The following TRIM50 variants were observed in gnomAD, a reference collection of about 807,000 sequenced individuals.
TRIM50 encodes the protein tripartite motif containing 50.
A neutral mutation model predicts 44.9 loss-of-function variants in TRIM50; 34 were observed. The ratio of observed to expected loss-of-function variants is 0.76; its 90% CI spans 0.58 to 1.01. The LOEUF (loss-of-function observed/expected upper bound fraction) is 1.01. TRIM50 is among the 50% of genes least tolerant of loss of function. The pLI, the probability that TRIM50 is intolerant of heterozygous loss-of-function variation, is 0.00. For missense variants in TRIM50, 633 were observed against 663.7 expected (o/e 0.95, Z 0.51); for synonymous variants, 307 against 291.1 (o/e 1.05, Z -0.56).
intron 3 of TRIM50, among the ~76,000 whole-genome samples, chr7:73,319,328 C>G (rs1212940734): frequency 1.3e-5 from 2 of 152,044 alleles, no homozygotes; most frequent in African/African-American, 4.8e-5. Context: ...GGGTCTCACT[C>G]TGTTGCCCAG....
In TRIM50 at chr7:73,313,718, A is replaced by T. The variant is rs1554543666; in HGVS notation, c.875-208T>A. On this transcript the variant is annotated intron_variant, in intron 6 of 6. Coordinates refer to ENST00000333149, the MANE Select transcript of TRIM50 (RefSeq NM_178125.3). This position sits in a 1 kb window ranked among gnomAD's most constrained non-coding sequence, Gnocchi z 4.9. Reference sequence around the variant, plus strand: ...AATGAATGAATGAATGAAGTTTTACATAAGGAAGATCAATCACAGACTGAT... The same window carrying T: ...AATGAATGAATGAATGAAGTTTTACTTAAGGAAGATCAATCACAGACTGAT... 6.6e-6 allele frequency among the ~76,000 whole-genome samples: 1 copy of T among 150,554 alleles called. No individual in the cohort carries two copies. Among genetic ancestry groups the T allele is most frequent in the East Asian group, 2.0e-4 (1 of 5,126 alleles).
chr7:73,314,494 TA>T, intron 6 of TRIM50: 1 of 381,570 alleles, frequency 2.6e-6, no homozygotes, highest in Non-Finnish European at 5.1e-6. Flanking sequence ...ATGTCCCCAC[TA>T]AGAGGCCACC....
rs1348937984 is a variant in TRIM50, at chr7:73,313,249, G to A, written c.1136C>T (p.Ser379Phe). 8 of 1,598,778 alleles carry A rather than the reference G, an allele frequency of 5.0e-6. No homozygotes were observed. Among genetic ancestry groups the A allele is most frequent in the Non-Finnish European group, 5.1e-6 (6 of 1,173,354 alleles). The change falls in exon 7 of 7, where the codon TCC (serine) becomes TTC (phenylalanine). Residue 379 changes from serine to phenylalanine, a missense_variant. Transcript: ENST00000333149. The surrounding 1 kb of genome is among the most constrained non-coding windows in gnomAD (Gnocchi z 4.9). Reference sequence around the variant, plus strand: ...GATCAGCCACACGCCGTGCTCGGGGGACCTGTTCAGCTTGCCCTTACGGCT... The same window carrying A: ...GATCAGCCACACGCCGTGCTCGGGGAACCTGTTCAGCTTGCCCTTACGGCT... ...TASRKGKLNR[S>F]PEHGVWLIGL...
rs151103619 is a variant in TRIM50 at position 73,313,180 on chromosome 7, C to T, written c.1205G>A (p.Arg402Gln). 80 of 1,588,282 alleles carry T rather than the reference C, an allele frequency of 5.0e-5. No individual in the cohort carries two copies. Among genetic ancestry groups the T allele is most frequent in the Middle Eastern group, 1.7e-4 (1 of 6,046 alleles). ...GRVYEAFACP[R>Q]VPLPVAGHPH... is the part of the protein sequence containing the mutation. ...GTGGCCGGCCACGGGCAGGGGTACCCGGGGGCAGGCAAAGGCTTCGTACAC... is the reference window on the plus strand; with the variant it reads ...GTGGCCGGCCACGGGCAGGGGTACCTGGGGGCAGGCAAAGGCTTCGTACAC... The change falls in exon 7 of 7, where the codon CGG becomes CAG. Residue 402 changes from arginine to glutamine, a missense_variant. Coordinates refer to ENST00000333149, the MANE Select transcript of TRIM50 (RefSeq NM_178125.3). The surrounding 1 kb of genome is among the most constrained non-coding windows in gnomAD (Gnocchi z 4.9).
Position 73,312,562 on chromosome 7 carries a change from T to G in TRIM50, c.*359A>C. 4.3e-6 allele frequency: 1 copy of G among 230,404 alleles called. No homozygotes were observed. The highest frequency in any genetic ancestry group is 8.3e-6 in the Non-Finnish European group (1 of 120,098). 14.3% of individuals were successfully genotyped at this position (230,404 alleles called of 1,614,324 possible). A position where few individuals can be genotyped will look rare whatever the true frequency, so the allele number is the denominator to read the frequency against. On this transcript the variant is annotated 3_prime_UTR_variant, in exon 7 of 7. Transcript: ENST00000333149. ...TTAAAGAGAAAGAAATAATGTCAAA[T>G]TTATTATCCTTGATAGTAGTTGAAA...
intron 1 of TRIM50, 30 bp from the exon 2 acceptor site, chr7:73,324,835 G>A: frequency 6.2e-7 from 1 of 1,610,850 alleles, no homozygotes; most frequent in African/African-American, 1.3e-5. Flanking sequence ...CCTCAGTCCT[G>A]TCCCCTCCCC....
chr7:73,313,369 A>G lies in TRIM50; in HGVS notation c.1016T>C (p.Leu339Pro), dbSNP rs1804278540. The change falls in exon 7 of 7, where the codon CTG becomes CCG. Residue 339 changes from leucine (L) to proline (P), a missense_variant. Physicochemically the swap from Leu to Pro is moderately conservative, Grantham distance 98 (BLOSUM62 -3). Coordinates refer to ENST00000333149, the MANE Select transcript of TRIM50 (RefSeq NM_178125.3). This position sits in a 1 kb window ranked among gnomAD's most constrained non-coding sequence, Gnocchi z 4.9. ...GCCGCAGGAGAAGCCGCGGCTGGCC[A>G]GGACGCAGGTGCTGTAGTCGAAGCG... is the stretch of plus-strand genomic sequence containing the variant. ...PERFDYSTCV[L>P]ASRGFSCGRH... is the part of the protein sequence containing the mutation. 2 of 1,595,776 alleles carry G rather than the reference A, an allele frequency of 1.3e-6. No individual in the cohort carries two copies. The highest frequency in any genetic ancestry group is 2.7e-5 in the African/African-American group (2 of 74,686).
At position 73,313,871 on chromosome 7, in the gene TRIM50, G is replaced by C. The variant is rs1362742315; in HGVS notation, c.875-361C>G. Among the ~76,000 whole-genome samples the C allele has an allele frequency of 6.6e-6, 1 of 152,202 alleles. No homozygotes were observed. The highest frequency in any genetic ancestry group is 1.5e-5 in the Non-Finnish European group (1 of 68,034). On this transcript the variant is annotated intron_variant, in intron 6 of 6. Transcript: ENST00000333149. The surrounding 1 kb of genome is among the most constrained non-coding windows in gnomAD (Gnocchi z 4.9). ...GGTTCTGGCCTGCCTGCCTGACACA[G>C]AGGTGTTGTGGGAAGGACCCGGAAG...
At chr7:73,324,020 A>G (rs577103453) in intron 2 of TRIM50, among the ~76,000 whole-genome samples, 16 of 152,214 alleles carry the variant, frequency 1.1e-4, no homozygotes, top group African/African-American at 3.9e-4. Flanking sequence ...AGCCTGGGCA[A>G]CAGAGTGAGA....
rs376013654 is a variant in TRIM50 at position 73,324,805 on chromosome 7, G to T, written c.-18C>A. 6.2e-7 allele frequency: 1 copy of T among 1,613,134 alleles called. No homozygotes were observed. Among genetic ancestry groups the T allele is most frequent in the African/African-American group, 1.3e-5 (1 of 74,872 alleles). On this transcript the variant is annotated splice_region_variant and 5_prime_UTR_variant, in exon 2 of 7. Transcript: ENST00000333149. ...CAAGCCATCCACACTCACTGCCCGG[G>T]CTGAAACACAGGCATCCGACCTCAG... is the stretch of plus-strand genomic sequence containing the variant.
At chr7:73,326,432 A>T (rs1554546101) in intron 1 of TRIM50, among the ~76,000 whole-genome samples, 1 of 150,216 alleles carries the variant, frequency 6.7e-6, no homozygotes, top group East Asian at 1.9e-4. Flanking sequence ...AGATATTCAA[A>T]GGTATCCTTA....
chr7:73,318,184 A>G (rs1330937992), intron 5 of TRIM50, among the ~76,000 whole-genome samples: 2 of 152,170 alleles, frequency 1.3e-5, no homozygotes, highest in African/African-American at 4.8e-5. Flanking sequence ...TGGATCATGC[A>G]GTAGCATGGT....
intron 6 of TRIM50, chr7:73,314,676 C>G (rs1252239033): frequency 8.8e-6 from 2 of 227,006 alleles, no homozygotes; most frequent in Non-Finnish European, 1.8e-5. Flanking sequence ...TAATGAAAAA[C>G]CCCGTCTCTA....
chr7:73,324,800 C>T lies in TRIM50; in HGVS notation c.-13G>A, dbSNP rs1234696534. 41 of 1,613,302 alleles carry T rather than the reference C, an allele frequency of 2.5e-5. No individual in the cohort carries two copies. Among genetic ancestry groups the T allele is most frequent in the East Asian group, 4.5e-5 (2 of 44,884 alleles). ...CCTGCCAAGCCATCCACACTCACTG[C>T]CCGGGCTGAAACACAGGCATCCGAC... is the stretch of plus-strand genomic sequence containing the variant. On this transcript the variant is annotated 5_prime_UTR_variant, in exon 2 of 7. Coordinates refer to ENST00000333149, the MANE Select transcript of TRIM50 (RefSeq NM_178125.3).
At chr7:73,327,010 C>G (rs1804649373) in intron 1 of TRIM50, among the ~76,000 whole-genome samples, 1 of 152,100 alleles carries the variant, frequency 6.6e-6, no homozygotes, top group Non-Finnish European at 1.5e-5. Context: ...AGGCTGGTCT[C>G]AAACTCCTGA....
At position 73,312,721 on chromosome 7, in the gene TRIM50, C is replaced by CGAAGTTTACAAATACACCCTTGGCT; in HGVS notation, c.*175_*199dup. 1.8e-6 allele frequency: 1 copy of CGAAGTTTACAAATACACCCTTGGCT among 556,128 alleles called. No homozygotes were observed. Among genetic ancestry groups the CGAAGTTTACAAATACACCCTTGGCT allele is most frequent in the Non-Finnish European group, 3.1e-6 (1 of 319,664 alleles). 34.4% of individuals were successfully genotyped at this position (556,128 alleles called of 1,614,324 possible). A position where few individuals can be genotyped will look rare whatever the true frequency, so the allele number is the denominator to read the frequency against. ...TCCCTGGCTGCCAAGGCCTGGGGGCCGAAGTTTACAAATACACCCTTGGCT... is the reference window on the plus strand; with the variant it reads ...TCCCTGGCTGCCAAGGCCTGGGGGCCGAAGTTTACAAATACACCCTTGGCTGAAGTTTACAAATACACCCTTGGCT... On this transcript the variant is annotated 3_prime_UTR_variant, in exon 7 of 7. Coordinates refer to ENST00000333149, the MANE Select transcript of TRIM50 (RefSeq NM_178125.3).
In TRIM50 at chr7:73,324,802, CG is replaced by C. The variant is rs1276950441; in HGVS notation, c.-16del. 1.9e-6 allele frequency: 3 copies of C among 1,613,264 alleles called. No individual in the cohort carries two copies. Among genetic ancestry groups the C allele is most frequent in the Non-Finnish European group, 2.5e-6 (3 of 1,179,958 alleles). Reference sequence around the variant, plus strand: ...TGCCAAGCCATCCACACTCACTGCCCGGGCTGAAACACAGGCATCCGACCTC... The same window carrying C: ...TGCCAAGCCATCCACACTCACTGCCCGGCTGAAACACAGGCATCCGACCTC... On this transcript the variant is annotated splice_region_variant and 5_prime_UTR_variant, in exon 2 of 7. Transcript: ENST00000333149.
intron 2 of TRIM50, among the ~76,000 whole-genome samples, chr7:73,321,079 C>A (rs372803827): frequency 2.0e-5 from 3 of 151,688 alleles, no homozygotes; most frequent in African/African-American, 7.3e-5. Context: ...TGCCTGTAAT[C>A]CCAGCATTTT....
In TRIM50 at chr7:73,316,584, G is replaced by T. The variant is rs1554544097; in HGVS notation, c.855C>A (p.Leu285=). ...CCTCACCTGGCAAAACTTTCCGGAA[G>T]AGCCTTTTCCACACGGTCAGCTTGA... ...ADIKLTVWKR[L]FRKVLPAPEP... The change falls in exon 6 of 7, where the codon CTC becomes CTA. Residue 285 remains leucine (L), a synonymous_variant. Transcript: ENST00000333149. 1 of 1,614,130 alleles carries T rather than the reference G, an allele frequency of 6.2e-7. No homozygotes were observed. Among genetic ancestry groups the T allele is most frequent in the East Asian group, 2.2e-5 (1 of 44,900 alleles).
Sources: gnomAD v4.1 joint callset for allele counts (sites outside exome capture counted in the v4.1 genomes callset) on GRCh38, gnomAD v4.1.1 for gene constraint, Gnocchi (gnomAD v3.1) non-coding constraint, MANE v1.5 for transcripts, NCBI Gene and HGNC (gene_info 2026-07-23, HGNC 2026-07-21) for gene names.